The following THADA variants were observed in gnomAD, a reference collection of about 807,000 sequenced individuals.
The protein encoded by THADA is tRNA (32-2'-O)-methyltransferase regulator THADA.
THADA carries 213 observed loss-of-function variants against 219.8 expected under a neutral mutation model. The observed-to-expected ratio is 0.97, with a 90% CI of 0.87 to 1.09. The LOEUF (loss-of-function observed/expected upper bound fraction) is 1.09, where lower values mean the gene tolerates loss of function less well. Ranked by LOEUF, THADA falls within the 50% of genes least tolerant of loss-of-function variation. The pLI is 0.00. For synonymous variants in THADA, 1,018 were observed against 828.9 expected (o/e 1.23, Z -3.92); for missense variants, 2,956 against 2,311.3 (o/e 1.28, Z -5.72).
At chr2:43,427,503 T>TGGTGTGTGTGTG (rs1678605130) in intron 28 of THADA, among the ~76,000 whole-genome samples, 1 of 140,600 alleles carries the variant, frequency 7.1e-6, no homozygotes, top group Non-Finnish European at 1.5e-5. Context: ...CTCCCAAAGT[T>TGGTGTGTGTGTG]TGTGTGTGTG....
At chr2:43,438,012 C>G (rs1680338274) in intron 26 of THADA, among the ~76,000 whole-genome samples, 2 of 151,944 alleles carry the variant, frequency 1.3e-5, no homozygotes, top group Non-Finnish European at 2.9e-5. Context: ...TCAACTATAC[C>G]AAGGGATGGC....
At chr2:43,347,846 G>C (rs376965704) in intron 29 of THADA, among the ~76,000 whole-genome samples, 1 of 152,142 alleles carries the variant, frequency 6.6e-6, no homozygotes, top group Non-Finnish European at 1.5e-5. Context: ...GAAAGGAGTC[G>C]GGTCTAGTCA....
chr2:43,590,864 A>G lies in THADA; in HGVS notation c.262T>C (p.Ser88Pro). 1 of 1,613,886 alleles carries G rather than the reference A, an allele frequency of 6.2e-7. No homozygotes were observed. Among genetic ancestry groups the G allele is most frequent in the Non-Finnish European group, 8.5e-7 (1 of 1,179,838 alleles). ...CLDILAGIYL[S>P]LSLKNPLKKV... ...TTCAAGGGATTCTTTAGACTCAAAG[A>G]AAGATAAATGCCTGCTAAGATATCC... The change falls in exon 4 of 38, where the codon TCT becomes CCT. Residue 88 changes from serine to proline, a missense_variant. Coordinates refer to ENST00000405975, the MANE Select transcript of THADA (RefSeq NM_022065.5).
Position 43,270,434 on chromosome 2 carries a change from A to G in THADA, c.5296+9331T>C, listed in dbSNP as rs552379066. On this transcript the variant is annotated intron_variant, in intron 36 of 37. Coordinates refer to ENST00000405975, the MANE Select transcript of THADA (RefSeq NM_022065.5). ...GTATCTCAGCTCTGGTCCCCAACCC[A>G]TTTTCTTACACTCTGACTCCAGTGT... Among the ~76,000 whole-genome samples the G allele has an allele frequency of 2.0e-5, 3 of 152,068 alleles. No homozygotes were observed. In the South Asian group the frequency reaches 6.2e-4, roughly 32 times the overall value.
intron 36 of THADA, among the ~76,000 whole-genome samples, chr2:43,252,341 C>G (rs1012567378): frequency 6.6e-6 from 1 of 152,204 alleles, no homozygotes; most frequent in African/African-American, 2.4e-5. Context: ...TTTATCATCA[C>G]TTTGAAATGA....
At chr2:43,549,964 A>C (rs1453585007) in intron 19 of THADA, among the ~76,000 whole-genome samples, 3 of 150,180 alleles carry the variant, frequency 2.0e-5, no homozygotes, top group Non-Finnish European at 3.0e-5. Context: ...ACAACTTTGA[A>C]ACACATTATG....
rs78008445 is a variant in THADA at position 43,273,862 on chromosome 2, C to T, written c.5296+5903G>A. Among the ~76,000 whole-genome samples, 453 of 152,226 alleles carry T rather than the reference C, an allele frequency of 3.0e-3. 3 individuals are homozygous for T. Among genetic ancestry groups the T allele is most frequent in the African/African-American group, 0.01 (434 of 41,542 alleles). ...GTGTTCATCCTTTCATGCTGGCTCACGGGCTCTGTGTGGGTGACGATGATG... is the reference window on the plus strand; with the variant it reads ...GTGTTCATCCTTTCATGCTGGCTCATGGGCTCTGTGTGGGTGACGATGATG... On this transcript the variant is annotated intron_variant, in intron 36 of 37. Coordinates refer to ENST00000405975, the MANE Select transcript of THADA (RefSeq NM_022065.5).
At chr2:43,390,615 C>T (rs187385188) in intron 29 of THADA, among the ~76,000 whole-genome samples, 61 of 152,266 alleles carry the variant, frequency 4.0e-4, no homozygotes, top group African/African-American at 1.4e-3. Context: ...TACCTTCTAA[C>T]AAACTATCTA....
In THADA at chr2:43,400,476, T is replaced by TATATATATATAAAA. The variant is rs903186497; in HGVS notation, c.4059-2338_4059-2337insTTTTATATATATAT. On this transcript the variant is annotated intron_variant, in intron 28 of 37. Coordinates refer to ENST00000405975, the MANE Select transcript of THADA (RefSeq NM_022065.5). ...ACAAATTTATATATATATATATATA[T>TATATATATATAAAA]AAATATATACACTAAGAAAAAAAAT... is the stretch of plus-strand genomic sequence containing the variant. Among the ~76,000 whole-genome samples the TATATATATATAAAA allele has an allele frequency of 5.2e-4, 75 of 144,454 alleles. 1 individual carries two copies. The highest frequency in any genetic ancestry group is 1.9e-3 in the African/African-American group (73 of 39,414). 94.8% of individuals were successfully genotyped at this position (144,454 alleles called of 152,430 possible). A position where few individuals can be genotyped will look rare whatever the true frequency, so the allele number is the denominator to read the frequency against.
chr2:43,462,843 G>C, intron 26 of THADA, among the ~76,000 whole-genome samples: 1 of 152,134 alleles, frequency 6.6e-6, no homozygotes, highest in Non-Finnish European at 1.5e-5. Flanking sequence ...GGCATTTCCA[G>C]TTCAAAATAT....
intron 28 of THADA, among the ~76,000 whole-genome samples, chr2:43,398,761 C>T (rs966211716): frequency 6.6e-6 from 1 of 152,130 alleles, no homozygotes; most frequent in African/African-American, 2.4e-5. Flanking sequence ...GTTTGAATAA[C>T]GCAGAGGTTC....
At chr2:43,248,873 C>T (rs1669534075) in intron 36 of THADA, among the ~76,000 whole-genome samples, 2 of 152,184 alleles carry the variant, frequency 1.3e-5, no homozygotes. Context: ...TGCTCTGGAG[C>T]TCTCTGGAAC....
chr2:43,327,796 C>T (rs778074129), intron 30 of THADA, among the ~76,000 whole-genome samples: 1 of 152,154 alleles, frequency 6.6e-6, no homozygotes, highest in Non-Finnish European at 1.5e-5. Context: ...AAAGCCCCTC[C>T]TCTATTTCTA....
intron 28 of THADA, among the ~76,000 whole-genome samples, chr2:43,407,333 T>C (rs1452044731): frequency 6.6e-6 from 1 of 152,206 alleles, no homozygotes; most frequent in African/African-American, 2.4e-5. Flanking sequence ...TATATATAGA[T>C]AGAAGGTTTA....
intron 25 of THADA, chr2:43,486,330 T>G (rs1209806937): frequency 6.6e-6 from 1 of 152,180 alleles, no homozygotes; most frequent in Non-Finnish European, 1.5e-5. Flanking sequence ...TCCAAACCAA[T>G]GTGTCAAGAT....
chr2:43,576,961 C>A (rs1699919315), intron 10 of THADA, 61 bp downstream of exon 10: 3 of 1,459,074 alleles, frequency 2.1e-6, no homozygotes, highest in East Asian at 4.8e-5. Context: ...AGCTTTTGGA[C>A]TGCATCTTCT....
chr2:43,322,671 ATTCT>A (rs1678867971), intron 30 of THADA, among the ~76,000 whole-genome samples: 1 of 79,884 alleles, frequency 1.3e-5, no homozygotes, highest in South Asian at 4.0e-4. Flanking sequence ...AGCACATTCT[ATTCT>A]TTTTTTTTTT....
chr2:43,269,598 G>A (rs1040375007), intron 36 of THADA, among the ~76,000 whole-genome samples: 8 of 152,216 alleles, frequency 5.3e-5, no homozygotes, highest in Admixed American at 1.3e-4. Flanking sequence ...CTTGGAATGC[G>A]GCAACCGGAG....
At chr2:43,543,666 A>G (rs965650192) in intron 20 of THADA, among the ~76,000 whole-genome samples, 6 of 152,198 alleles carry the variant, frequency 3.9e-5, no homozygotes, top group African/African-American at 1.4e-4. Flanking sequence ...GGCTGCATAA[A>G]TGTCTTCTTT....
Sources: gnomAD v4.1 joint callset for allele counts (sites outside exome capture counted in the v4.1 genomes callset) on GRCh38, gnomAD v4.1.1 for gene constraint, MANE v1.5 for transcripts, NCBI Gene and HGNC (gene_info 2026-07-23, HGNC 2026-07-21) for gene names.